KANK1: variants seen among roughly 807,000 people sequenced by gnomAD.
KANK1 encodes the protein KN motif and ankyrin repeat domain-containing protein 1.
A neutral mutation model predicts 106.2 loss-of-function variants in KANK1; 109 were observed. The observed-to-expected ratio is 1.03, with a 90% CI of 0.88 to 1.20. The LOEUF is 1.20. Ranked by LOEUF, KANK1 falls within the 50% of genes most tolerant of loss-of-function variation. KANK1 has a pLI of 0.00. For missense variants in KANK1, 2,399 were observed against 1,710.7 expected (o/e 1.40, Z -7.10); for synonymous variants, 873 against 652.2 (o/e 1.34, Z -5.16).
intron 3 of KANK1, among the ~76,000 whole-genome samples, chr9:480,427 A>G (rs2058183597): frequency 6.6e-6 from 1 of 152,234 alleles, no homozygotes; most frequent in Admixed American, 6.5e-5. Context: ...TCAGATGACC[A>G]TAGTTGAAGA....
Position 740,923 on chromosome 9 carries a change from A to C in KANK1, c.3685A>C (p.Lys1229Gln), listed in dbSNP as rs1198147289. Reference protein sequence around the residue: ...ELFGCGDVNAKASQAGQTALM... With the variant: ...ELFGCGDVNAQASQAGQTALM... ...CTTCGGCTGTGGGGATGTGAATGCCAAAGCTAGTCAGGTTAGTGCGCCTGG... is the reference window on the plus strand; with the variant it reads ...CTTCGGCTGTGGGGATGTGAATGCCCAAGCTAGTCAGGTTAGTGCGCCTGG... Residue 1229 changes from lysine to glutamine, a missense_variant, in exon 9 of 12, where the codon AAA becomes CAA. By Grantham distance (53) the Lys-to-Gln change is moderately conservative. Transcript: ENST00000382297. 6.2e-7 allele frequency: 1 copy of C among 1,614,204 alleles called. No individual in the cohort carries two copies. Among genetic ancestry groups the C allele is most frequent in the Non-Finnish European group, 8.5e-7 (1 of 1,180,026 alleles).
At chr9:693,392 A>G (rs1820460999) in intron 2 of KANK1, 14 of 985,188 alleles carry the variant, frequency 1.4e-5, no homozygotes, top group Non-Finnish European at 1.2e-5. Context: ...ACAATGAGGA[A>G]ACATTTGCTG....
At position 737,669 on chromosome 9, in the gene KANK1, C is replaced by T. The variant is rs531575540; in HGVS notation, c.3334-616C>T. ...TTTATTTTCCCTTTCCGTGGTTGAA[C>T]AGTTGTATTTGGGATTGGGGTGGGA... is the stretch of plus-strand genomic sequence containing the variant. On this transcript the variant is annotated intron_variant, in intron 7 of 11. Coordinates refer to ENST00000382297, the MANE Select transcript of KANK1 (RefSeq NM_015158.5). Among the ~76,000 whole-genome samples, 17 of 152,218 alleles carry T rather than the reference C, an allele frequency of 1.1e-4. No homozygotes were observed. In the South Asian group the frequency reaches 2.9e-3, roughly 26 times the overall value.
intron 2 of KANK1, among the ~76,000 whole-genome samples, chr9:697,275 A>C (rs1280039890): frequency 6.6e-6 from 1 of 152,162 alleles, no homozygotes; most frequent in African/African-American, 2.4e-5. Flanking sequence ...GGACAGTGCA[A>C]AAGTGATGCT....
Position 730,361 on chromosome 9 carries a change from G to A in KANK1, c.2896+113G>A, listed in dbSNP as rs563855693. The A allele has an allele frequency of 9.9e-4, 1,121 of 1,132,386 alleles. 4 individuals carry two copies. The highest frequency in any genetic ancestry group is 1.3e-3 in the Non-Finnish European group (989 of 769,168). The allele number at this position is 1,132,386 out of a possible 1,614,324, so 70.1% of individuals were successfully genotyped here. A position where few individuals can be genotyped will look rare whatever the true frequency, so the allele number is the denominator to read the frequency against. On this transcript the variant is annotated intron_variant, in intron 4 of 11. Transcript: ENST00000382297. ...ATTGACCTGGAAGAAAGTTAATATC[G>A]TTATTTGGAAGGTAGGCCCAGAATA...
chr9:552,749 A>G (rs2061355240), intron 1 of KANK1, among the ~76,000 whole-genome samples: 1 of 152,212 alleles, frequency 6.6e-6, no homozygotes. Flanking sequence ...AATATTTTGA[A>G]ATGTTTTCTC....
chr9:691,780 A>ATTTTTT (rs71314726), intron 2 of KANK1, among the ~76,000 whole-genome samples: 1 of 130,958 alleles, frequency 7.6e-6, no homozygotes. Flanking sequence ...CACCTAGCTA[A>ATTTTTT]TTTTTTTTTT....
At chr9:576,280 G>A (rs1186398238) in intron 1 of KANK1, among the ~76,000 whole-genome samples, 1 of 152,174 alleles carries the variant, frequency 6.6e-6, no homozygotes. Flanking sequence ...GCTCAGGGCT[G>A]CTGAGATAAC....
chr9:567,888 T>C (rs1818204030), intron 1 of KANK1, among the ~76,000 whole-genome samples: 1 of 152,214 alleles, frequency 6.6e-6, no homozygotes, highest in Admixed American at 6.5e-5. Context: ...CCCAGTGGTA[T>C]TGAATTTAGA....
At chr9:542,594 C>G (rs2060669461) in intron 1 of KANK1, among the ~76,000 whole-genome samples, 3 of 152,168 alleles carry the variant, frequency 2.0e-5, no homozygotes, top group African/African-American at 7.2e-5. Flanking sequence ...AAAGAGATAC[C>G]TGTACTTCTG....
chr9:741,674 A>G (rs1835593140), intron 9 of KANK1, among the ~76,000 whole-genome samples: 2 of 151,812 alleles, frequency 1.3e-5, no homozygotes, highest in Middle Eastern at 3.4e-3. Flanking sequence ...TTTTTAGTAG[A>G]GACAAGGTTT....
chr9:739,181 CTG>C (rs1468588161), intron 8 of KANK1, among the ~76,000 whole-genome samples: 3 of 152,208 alleles, frequency 2.0e-5, no homozygotes, highest in Non-Finnish European at 4.4e-5. Context: ...CCTCAAGAAA[CTG>C]TGAGCTTTCA....
At chr9:483,037 C>T (rs143475756) in intron 3 of KANK1, among the ~76,000 whole-genome samples, 55 of 152,262 alleles carry the variant, frequency 3.6e-4, no homozygotes, top group African/African-American at 1.1e-3. Flanking sequence ...ACAGTGCTTG[C>T]GTCCAAGTAA....
Position 713,034 on chromosome 9 carries a change from C to G in KANK1, c.2268C>G (p.Thr756=). Reference sequence around the variant, plus strand: ...TTGACAGGCCATCAGCTGTGAAGACCAAAGAGTCAGGTGTGGGGCAGATAA... The same window carrying G: ...TTGACAGGCCATCAGCTGTGAAGACGAAAGAGTCAGGTGTGGGGCAGATAA... ...SGFDRPSAVK[T]KESGVGQINI... The change falls in exon 3 of 12, where the codon ACC becomes ACG. Residue 756 remains threonine, a synonymous_variant. Coordinates refer to ENST00000382297, the MANE Select transcript of KANK1 (RefSeq NM_015158.5). 1 of 1,614,136 alleles carries G rather than the reference C, an allele frequency of 6.2e-7. No individual in the cohort carries two copies. The highest frequency in any genetic ancestry group is 8.5e-7 in the Non-Finnish European group (1 of 1,180,036).
intron 1 of KANK1, among the ~76,000 whole-genome samples, chr9:639,863 T>C (rs530924582): frequency 2.5e-4 from 38 of 152,290 alleles, no homozygotes; most frequent in African/African-American, 9.1e-4. Context: ...TCTATGTCCT[T>C]ACATGGCAGA....
At chr9:547,360 G>T (rs2060993902) in intron 1 of KANK1, 1 of 152,188 alleles carries the variant, frequency 6.6e-6, no homozygotes, top group South Asian at 2.1e-4. Context: ...GAAGAGCAAA[G>T]TTGCCTTTTC....
At chr9:646,662 G>A (rs1461758455) in intron 1 of KANK1, among the ~76,000 whole-genome samples, 1 of 149,554 alleles carries the variant, frequency 6.7e-6, no homozygotes, top group Non-Finnish European at 1.5e-5. Context: ...TTATAGAGCA[G>A]TTCGCCTGAT....
chr9:712,392 G>A lies in KANK1; in HGVS notation c.1626G>A (p.Val542=), dbSNP rs1244059789. 4.3e-6 allele frequency: 7 copies of A among 1,614,032 alleles called. No individual in the cohort carries two copies. The highest frequency in any genetic ancestry group is 5.9e-6 in the Non-Finnish European group (7 of 1,180,052). The part of the protein sequence containing the change: ...DLVDTCVGTS[V]ETNSVGISCQ... ...TGGACACGTGTGTTGGGACCTCCGT[G>A]GAAACAAACAGTGTAGGCATCTCCT... The change falls in exon 3 of 12, where the codon GTG becomes GTA. Residue 542 remains valine (V), a synonymous_variant. Coordinates refer to ENST00000382297, the MANE Select transcript of KANK1 (RefSeq NM_015158.5).
chr9:645,496 T>C (rs955325213), intron 1 of KANK1, among the ~76,000 whole-genome samples: 1 of 136,572 alleles, frequency 7.3e-6, no homozygotes, highest in Non-Finnish European at 1.6e-5. Context: ...ATAAAAGAAG[T>C]CATATTTTTA....
Sources: allele counts gnomAD v4.1 joint callset (sites outside exome capture counted in the v4.1 genomes callset), GRCh38; gene constraint gnomAD v4.1.1; transcripts MANE v1.5; gene names NCBI Gene and HGNC (gene_info 2026-07-23, HGNC 2026-07-21).